ZFYVE21: variants seen among roughly 807,000 people sequenced by gnomAD.
ZFYVE21 encodes zinc finger FYVE domain-containing protein 21.
In ZFYVE21, 21 loss-of-function variants were observed where a neutral mutation model predicts 29.5. That is an observed-to-expected ratio of 0.71 (90% confidence interval 0.50 to 1.02). The LOEUF is 1.02. Among genes scored for constraint, ZFYVE21 ranks in the 50% least tolerant of loss-of-function variants. The pLI is 0.00. For missense variants in ZFYVE21, 326 were observed against 335.4 expected (o/e 0.97, Z 0.22); for synonymous variants, 151 against 133.8 (o/e 1.13, Z -0.89).
chr14:103,720,184 G>A (rs754983636), intron 1 of ZFYVE21, among the ~76,000 whole-genome samples: 2 of 152,102 alleles, frequency 1.3e-5, no homozygotes, highest in Admixed American at 6.5e-5. Flanking sequence ...CCTTCCTCAC[G>A]GCCTGTATCC....
intron 1 of ZFYVE21, 159 bp from the exon 2 acceptor site, chr14:103,726,633 G>C: frequency 1.1e-6 from 1 of 876,554 alleles, no homozygotes; most frequent in Non-Finnish European, 1.8e-6. Context: ...GGGCACAGGC[G>C]GCCAGTCCAC....
intron 5 of ZFYVE21, chr14:103,731,914 T>C (rs3742365): frequency 0.44 from 67,399 of 152,106 alleles, 15,558 homozygotes; most frequent in African/African-American, 0.56. Context: ...AGTGTATTGT[T>C]GGAGCGAGTG....
rs577737417 is a variant in ZFYVE21, at chr14:103,732,613, C to T, written c.527-7C>T. On this transcript the variant is annotated splice_region_variant and splice_polypyrimidine_tract_variant and intron_variant, in intron 5 of 6. Coordinates refer to ENST00000311141, the MANE Select transcript of ZFYVE21 (RefSeq NM_024071.4). ...TTGGGCCGTCTTACCTCGTCTCTCT[C>T]CTCCAGGAGGCAACGCACGGGCCAC... is the stretch of plus-strand genomic sequence containing the variant. 2.6e-6 allele frequency: 4 copies of T among 1,564,560 alleles called. No individual in the cohort carries two copies. The South Asian group carries it at 3.6e-5, about 14-fold the overall frequency.
intron 5 of ZFYVE21, chr14:103,729,714 C>T: frequency 6.7e-7 from 1 of 1,492,770 alleles, no homozygotes; most frequent in South Asian, 1.2e-5. Context: ...GTGCCGTAAC[C>T]CATGTTGCTT....
intron 5 of ZFYVE21, 184 bp from the exon 6 acceptor site, chr14:103,732,436 G>A: frequency 3.3e-6 from 2 of 611,466 alleles, no homozygotes; most frequent in Non-Finnish European, 2.5e-6. Context: ...TGTGAGCTTG[G>A]GGTCTCCCCT....
At chr14:103,732,462 A>G (rs2083990448) in intron 5 of ZFYVE21, 158 bp from the exon 6 acceptor site, 1 of 818,434 alleles carries the variant, frequency 1.2e-6, no homozygotes, top group Non-Finnish European at 1.8e-6. Flanking sequence ...GCCTGAGGAG[A>G]TGGTGTTCCC....
In ZFYVE21 at chr14:103,722,351, CT is replaced by C. The variant is rs34926725; in HGVS notation, c.139-4420del. On this transcript the variant is annotated intron_variant, in intron 1 of 6. Coordinates refer to ENST00000311141, the MANE Select transcript of ZFYVE21 (RefSeq NM_024071.4). ...GGCAAATCCTAGGTGTGGTCTGTCT[CT>C]TTTTTTTTTTTTTTTTTTTTGAGAC... Among the ~76,000 whole-genome samples the C allele has an allele frequency of 7.2e-3, 778 of 108,352 alleles. 5 individuals are homozygous for C. Among genetic ancestry groups the C allele is most frequent in the South Asian group, 0.013 (41 of 3,270 alleles). 71.1% of individuals were successfully genotyped at this position (108,352 alleles called of 152,430 possible).
chr14:103,729,009 G>A lies in ZFYVE21; in HGVS notation c.434+26G>A, dbSNP rs188852486. The A allele has an allele frequency of 4.5e-3, 7,217 of 1,613,816 alleles. 24 individuals are homozygous for A. The highest frequency in any genetic ancestry group is 5.8e-3 in the Non-Finnish European group (6,886 of 1,179,864). On this transcript the variant is annotated intron_variant, in intron 4 of 6. Coordinates refer to ENST00000311141, the MANE Select transcript of ZFYVE21 (RefSeq NM_024071.4). The stretch of plus-strand genomic sequence containing the variant: ...GTAAGAGCCGGATCCTGCTTGGCAC[G>A]GGGCAGCATTGTCACAGACCGGGAG...
At chr14:103,732,514 T>C in intron 5 of ZFYVE21, 106 bp from the exon 6 acceptor site, 3 of 1,368,934 alleles carry the variant, frequency 2.2e-6, no homozygotes, top group East Asian at 2.5e-5. Flanking sequence ...AGGCTACTCT[T>C]GGAGCAGCAC....
In ZFYVE21 at chr14:103,715,917, G is replaced by A. The variant is rs1331458518; in HGVS notation, c.76G>A (p.Glu26Lys). Residue 26 changes from glutamate to lysine, a missense_variant, in exon 1 of 7, where the codon GAA (glutamate) becomes AAA (lysine). Transcript: ENST00000311141. Reference protein sequence around the residue: ...RSPSGLRMVPEHRAFGSPFGL... With the variant: ...RSPSGLRMVPKHRAFGSPFGL... ...CCCGAGCGGCCTGCGCATGGTGCCCGAACACCGCGCCTTCGGAAGCCCGTT... is the reference window on the plus strand; with the variant it reads ...CCCGAGCGGCCTGCGCATGGTGCCCAAACACCGCGCCTTCGGAAGCCCGTT... The A allele has an allele frequency of 7.0e-7, 1 of 1,435,222 alleles. No homozygotes were observed. Among genetic ancestry groups the A allele is most frequent in the Non-Finnish European group, 9.2e-7 (1 of 1,086,218 alleles). The allele number at this position is 1,435,222 out of a possible 1,614,324, so 88.9% of individuals were successfully genotyped here. A position where few individuals can be genotyped will look rare whatever the true frequency, so the allele number is the denominator to read the frequency against.
intron 1 of ZFYVE21, chr14:103,725,113 G>A (rs1008506815): frequency 6.6e-6 from 1 of 152,284 alleles, no homozygotes; most frequent in Admixed American, 6.5e-5. Context: ...CCCTTGGACT[G>A]AAGTCCCTGC....
At chr14:103,727,368 C>G (rs2151952352) in intron 2 of ZFYVE21, 2 of 338,118 alleles carry the variant, frequency 5.9e-6, no homozygotes, top group South Asian at 2.2e-5. Flanking sequence ...CTGCCCCCCG[C>G]CCCCTCTGCC....
At chr14:103,725,173 C>T (rs1245185488) in intron 1 of ZFYVE21, 1 of 152,274 alleles carries the variant, frequency 6.6e-6, no homozygotes, top group African/African-American at 2.4e-5. Context: ...GTGCTGCGCT[C>T]GTGCCGGCGT....
chr14:103,726,650 G>A (rs1209350240), intron 1 of ZFYVE21, 142 bp from the exon 2 acceptor site: 5 of 1,056,250 alleles, frequency 4.7e-6, no homozygotes, highest in Non-Finnish European at 5.7e-6. Context: ...CCACCGTCCT[G>A]CGTCACAACC....
At chr14:103,724,582 C>G (rs1299640836) in intron 1 of ZFYVE21, 1 of 152,218 alleles carries the variant, frequency 6.6e-6, no homozygotes, top group Non-Finnish European at 1.5e-5. Flanking sequence ...AAAGGGGGCT[C>G]TTCGTGGAGC....
At position 103,715,852 on chromosome 14, in the gene ZFYVE21, A is replaced by G; in HGVS notation, c.11A>G (p.Glu4Gly). 1 of 1,420,298 alleles carries G rather than the reference A, an allele frequency of 7.0e-7. No individual in the cohort carries two copies. Among genetic ancestry groups the G allele is most frequent in the Non-Finnish European group, 9.2e-7 (1 of 1,082,534 alleles). The allele number at this position is 1,420,298 out of a possible 1,614,324, so 88.0% of individuals were successfully genotyped here. MSS[E>G]VSARRDAKKL... Reference sequence around the variant, plus strand: ...GGCTGAGGCGGCGTCATGTCCTCCGAGGTGTCCGCGCGCCGCGACGCCAAG... The same window carrying G: ...GGCTGAGGCGGCGTCATGTCCTCCGGGGTGTCCGCGCGCCGCGACGCCAAG... The change falls in exon 1 of 7, where the codon GAG (glutamate) becomes GGG (glycine). Residue 4 changes from glutamate to glycine, a missense_variant. Transcript: ENST00000311141.
At chr14:103,725,750 G>A (rs1204766753) in intron 1 of ZFYVE21, 1 of 152,294 alleles carries the variant, frequency 6.6e-6, no homozygotes, top group Non-Finnish European at 1.5e-5. Context: ...AAGTGAAGCA[G>A]TGGAAATGCA....
chr14:103,732,740 C>A lies in ZFYVE21; in HGVS notation c.647C>A (p.Ala216Glu). The A allele has an allele frequency of 6.2e-7, 1 of 1,612,842 alleles. No individual in the cohort carries two copies. The highest frequency in any genetic ancestry group is 8.5e-7 in the Non-Finnish European group (1 of 1,179,614). The change falls in exon 6 of 7, where the codon GCG (alanine) becomes GAG (glutamate). Residue 216 changes from alanine to glutamate, a missense_variant. Physicochemically the swap from Ala to Glu is moderately radical, Grantham distance 107. Coordinates refer to ENST00000311141, the MANE Select transcript of ZFYVE21 (RefSeq NM_024071.4). ...DVTVGRRQAVAWLVAMHKAAK... is the reference protein window; with the variant it reads ...DVTVGRRQAVEWLVAMHKAAK... ...ACTGTGGGCAGGAGGCAGGCGGTGG[C>A]GTGGCTAGTGGCCATGCACAAGGTA...
At chr14:103,732,339 A>C in intron 5 of ZFYVE21, 1 of 322,746 alleles carries the variant, frequency 3.1e-6, no homozygotes, top group Non-Finnish European at 5.6e-6. Flanking sequence ...GCCGAGAGCA[A>C]GGCCTCTCGT....
Sources: allele counts gnomAD v4.1 joint callset (sites outside exome capture counted in the v4.1 genomes callset), GRCh38; gene constraint gnomAD v4.1.1; transcripts MANE v1.5; gene names NCBI Gene and HGNC (gene_info 2026-07-23, HGNC 2026-07-21).